The following SPTLC3 variants were observed in gnomAD, a reference collection of about 807,000 sequenced individuals.
SPTLC3 encodes serine palmitoyltransferase long chain base subunit 3, also known as serine palmitoyltransferase 3.
SPTLC3 carries 36 observed loss-of-function variants against 59.3 expected under a neutral mutation model. The ratio of observed to expected loss-of-function variants is 0.61; its 90% confidence interval spans 0.47 to 0.80. SPTLC3 has a LOEUF of 0.80. Ranked by LOEUF, SPTLC3 falls within the 30% of genes least tolerant of loss-of-function variation. The pLI is 0.00. For missense variants in SPTLC3, 625 were observed against 685.1 expected, an observed-to-expected ratio of 0.91 and a Z score of 0.98; for synonymous variants, 257 against 240.8, an observed-to-expected ratio of 1.07 and a Z score of -0.62.
intron 7 of SPTLC3, among the ~76,000 whole-genome samples, chr20:13,113,467 A>G (rs560229962): frequency 6.6e-6 from 1 of 152,286 alleles, no homozygotes; most frequent in Admixed American, 6.5e-5. Context: ...CAAATCAGAA[A>G]GTTTCAGGGA....
chr20:13,041,780 T>G (rs536823421), intron 1 of SPTLC3, among the ~76,000 whole-genome samples: 1 of 152,238 alleles, frequency 6.6e-6, no homozygotes. Flanking sequence ...GCTTATTTTT[T>G]TAGTGACTTA....
intron 11 of SPTLC3, chr20:13,164,236 A>C: frequency 4.8e-6 from 2 of 414,280 alleles, no homozygotes; most frequent in Non-Finnish European, 9.9e-6. Flanking sequence ...CTGTGAGTTA[A>C]GTTCTAGTAT....
intron 1 of SPTLC3, among the ~76,000 whole-genome samples, chr20:13,040,842 G>T (rs140037254): frequency 6.6e-6 from 1 of 152,034 alleles, no homozygotes; most frequent in African/African-American, 2.4e-5. Flanking sequence ...ATTTTTGAAG[G>T]CTAGTTTTGC....
chr20:13,133,741 G>A (rs76653651), intron 9 of SPTLC3, among the ~76,000 whole-genome samples: 2,776 of 152,204 alleles, frequency 0.018, 54 homozygotes, highest in South Asian at 0.031. Context: ...GCCAGCAGAC[G>A]AGATATGGGG....
intron 10 of SPTLC3, among the ~76,000 whole-genome samples, chr20:13,158,685 C>A (rs912017949): frequency 7.9e-5 from 12 of 152,182 alleles, no homozygotes. Flanking sequence ...TTCTAACCTT[C>A]CTAGTTGAAA....
At position 13,117,576 on chromosome 20, in the gene SPTLC3, A is replaced by G. The variant is rs1243125370; in HGVS notation, c.1003A>G (p.Ile335Val). 29 of 1,613,680 alleles carry G rather than the reference A, an allele frequency of 1.8e-5. No individual in the cohort carries two copies. Among genetic ancestry groups the G allele is most frequent in the Non-Finnish European group, 2.4e-5 (28 of 1,179,838 alleles). ...LKKKYKAYLY[I>V]DEAHSIGAVG... The stretch of plus-strand genomic sequence containing the variant: ...GAAGAAATACAAGGCTTACCTCTAC[A>G]TAGATGAAGCTCACAGTATTGGGGC... The change falls in exon 8 of 12, where the codon ATA (isoleucine) becomes GTA (valine). Residue 335 changes from isoleucine (I) to valine (V), a missense_variant. Physicochemically the swap from Ile to Val is conservative, Grantham distance 29. Coordinates refer to ENST00000399002, the MANE Select transcript of SPTLC3 (RefSeq NM_018327.4).
At chr20:13,117,276 A>G (rs1184967960) in intron 7 of SPTLC3, among the ~76,000 whole-genome samples, 2 of 152,234 alleles carry the variant, frequency 1.3e-5, no homozygotes, top group Non-Finnish European at 2.9e-5. Flanking sequence ...ATTAGCTGAA[A>G]CCAAAAGCAC....
Position 13,166,544 on chromosome 20 carries a change from A to G in SPTLC3, c.*1677A>G, listed in dbSNP as rs565894483. 1 of 152,230 alleles carries G rather than the reference A, an allele frequency of 6.6e-6. No homozygotes were observed. Among genetic ancestry groups the G allele is most frequent in the South Asian group, 2.1e-4 (1 of 4,830 alleles). 9.4% of individuals were successfully genotyped at this position (152,230 alleles called of 1,614,324 possible). On this transcript the variant is annotated 3_prime_UTR_variant, in exon 12 of 12. Transcript: ENST00000399002. ...GATAACAAAATTCCAACTTTTCTCA[A>G]TGAAACTGATGCAGTATTATTTGTG...
intron 4 of SPTLC3, among the ~76,000 whole-genome samples, chr20:13,085,241 G>A (rs1261218219): frequency 6.6e-6 from 1 of 151,954 alleles, no homozygotes; most frequent in Non-Finnish European, 1.5e-5. Context: ...CGGAATATTG[G>A]CCAGAAAAAC....
rs996799656 is a variant in SPTLC3 at position 13,093,390 on chromosome 20, G to A, written c.733-94G>A. 15 of 1,117,086 alleles carry A rather than the reference G, an allele frequency of 1.3e-5. No homozygotes were observed. In the African/African-American group the frequency reaches 1.9e-4, roughly 14 times the overall value. The allele number at this position is 1,117,086 out of a possible 1,614,324, so 69.2% of individuals were successfully genotyped here. On this transcript the variant is annotated intron_variant, in intron 5 of 11. Coordinates refer to ENST00000399002, the MANE Select transcript of SPTLC3 (RefSeq NM_018327.4). Reference sequence around the variant, plus strand: ...AATTAAAGTGAGTTTTAGAAATTGTGTTATAGGTTTTAGAGTGTCTTCCTG... The same window carrying A: ...AATTAAAGTGAGTTTTAGAAATTGTATTATAGGTTTTAGAGTGTCTTCCTG...
At chr20:13,118,955 C>T (rs1048719375) in intron 8 of SPTLC3, among the ~76,000 whole-genome samples, 1 of 152,216 alleles carries the variant, frequency 6.6e-6, no homozygotes, top group African/African-American at 2.4e-5. Context: ...CTTTCGGGCT[C>T]AAAGCATTGT....
chr20:13,136,459 C>T (rs112227036), intron 9 of SPTLC3, among the ~76,000 whole-genome samples: 5 of 151,520 alleles, frequency 3.3e-5, no homozygotes, highest in South Asian at 4.2e-4. Context: ...AATTAGATGG[C>T]GGTGGTGGCA....
At chr20:13,104,233 G>T (rs921498985) in intron 6 of SPTLC3, among the ~76,000 whole-genome samples, 16 of 152,148 alleles carry the variant, frequency 1.1e-4, no homozygotes, top group African/African-American at 3.6e-4. Context: ...ATCTGATAGG[G>T]TTTGGCTGTG....
At chr20:13,129,346 T>G (rs2038068477) in intron 9 of SPTLC3, among the ~76,000 whole-genome samples, 1 of 152,110 alleles carries the variant, frequency 6.6e-6, no homozygotes, top group African/African-American at 2.4e-5. Flanking sequence ...CGAGATAGAG[T>G]GGCATCTTTT....
chr20:13,047,450 T>C (rs1436677709), intron 1 of SPTLC3, among the ~76,000 whole-genome samples: 1 of 152,148 alleles, frequency 6.6e-6, no homozygotes, highest in African/African-American at 2.4e-5. Context: ...GATCTGACAA[T>C]TTTTGTAAAT....
intron 2 of SPTLC3, among the ~76,000 whole-genome samples, chr20:13,055,532 G>A (rs1047364846): frequency 2.0e-4 from 31 of 152,214 alleles, no homozygotes; most frequent in South Asian, 1.0e-3. Flanking sequence ...TGAACCAAAT[G>A]TAAATTTCTC....
At chr20:13,106,245 G>A (rs761278190) in intron 6 of SPTLC3, among the ~76,000 whole-genome samples, 5 of 152,064 alleles carry the variant, frequency 3.3e-5, no homozygotes, top group African/African-American at 4.8e-5. Flanking sequence ...CTTTCTCCAG[G>A]AAAAGAACAT....
At chr20:13,025,240 A>T (rs1175953796) in intron 1 of SPTLC3, among the ~76,000 whole-genome samples, 1 of 152,180 alleles carries the variant, frequency 6.6e-6, no homozygotes, top group Admixed American at 6.5e-5. Flanking sequence ...CAAATTTCAC[A>T]TATAATGAAC....
chr20:13,064,846 A>G (rs1988132555), intron 2 of SPTLC3, among the ~76,000 whole-genome samples: 1 of 152,000 alleles, frequency 6.6e-6, no homozygotes, highest in Non-Finnish European at 1.5e-5. Flanking sequence ...TTCTTTACGT[A>G]TTTCTTATGT....
Sources: gnomAD v4.1 joint callset for allele counts (sites outside exome capture counted in the v4.1 genomes callset) on GRCh38, gnomAD v4.1.1 for gene constraint, MANE v1.5 for transcripts, NCBI Gene and HGNC (gene_info 2026-07-23, HGNC 2026-07-21) for gene names.